ARL15: variants seen among roughly 807,000 people sequenced by gnomAD.
ARL15 encodes the protein ADP-ribosylation factor-like protein 15.
In ARL15, 19 loss-of-function variants were observed where a neutral mutation model predicts 25.2. The ratio of observed to expected loss-of-function variants is 0.75; its 90% CI spans 0.53 to 1.10. The LOEUF is 1.10. Ranked by LOEUF, ARL15 falls within the 50% of genes least tolerant of loss-of-function variation. The probability of loss-of-function intolerance (pLI) is 0.00; values close to 1 mark genes in which losing one functional copy is unlikely to be tolerated. For synonymous variants in ARL15, 94 were observed against 86.8 expected (o/e 1.08, Z -0.46); for missense variants, 220 against 246.0 (o/e 0.89, Z 0.71).
intron 4 of ARL15, among the ~76,000 whole-genome samples, chr5:54,048,772 T>C (rs566715840): frequency 2.5e-4 from 37 of 150,214 alleles, no homozygotes; most frequent in Admixed American, 2.1e-3. Context: ...CATTTGCCTA[T>C]TACCAGGTTG....
intron 4 of ARL15, among the ~76,000 whole-genome samples, chr5:53,967,271 C>T (rs1451515445): frequency 2.6e-5 from 4 of 152,156 alleles, no homozygotes; most frequent in Non-Finnish European, 5.9e-5. Flanking sequence ...GCTTAGACTT[C>T]CGTGTACACA....
At chr5:54,009,859 C>G (rs1196245250) in intron 4 of ARL15, among the ~76,000 whole-genome samples, 1 of 152,066 alleles carries the variant, frequency 6.6e-6, no homozygotes, top group Non-Finnish European at 1.5e-5. Context: ...TCCAACAGTT[C>G]CAGTTATCAG....
intron 4 of ARL15, among the ~76,000 whole-genome samples, chr5:53,970,486 A>AAG (rs3839225): frequency 1.3e-5 from 2 of 151,320 alleles, no homozygotes; most frequent in African/African-American, 4.8e-5. Flanking sequence ...ATGAGTGAGA[A>AAG]AGAGAGAGAG....
intron 4 of ARL15, among the ~76,000 whole-genome samples, chr5:54,077,439 AAAATGAACGCAGACACTGAGCCAT>A (rs1384647934): frequency 1.3e-5 from 2 of 152,194 alleles, no homozygotes; most frequent in Non-Finnish European, 2.9e-5. Context: ...TTCCCCCAGA[AAAATGAACGCAGACACTGAGCCAT>A]AAATGTAAAG....
intron 4 of ARL15, among the ~76,000 whole-genome samples, chr5:53,979,954 C>A (rs760192396): frequency 1.2e-4 from 18 of 152,060 alleles, no homozygotes; most frequent in Non-Finnish European, 2.9e-5. Flanking sequence ...ATCCACCTGA[C>A]TTGGCCTCCC....
At chr5:53,952,991 G>A (rs1208508507) in intron 4 of ARL15, among the ~76,000 whole-genome samples, 1 of 152,190 alleles carries the variant, frequency 6.6e-6, no homozygotes, top group African/African-American at 2.4e-5. Flanking sequence ...AATATAAAAT[G>A]GCTGTAGATT....
chr5:54,300,616 C>G (rs1220551967), intron 1 of ARL15, among the ~76,000 whole-genome samples: 1 of 152,184 alleles, frequency 6.6e-6, no homozygotes, highest in Non-Finnish European at 1.5e-5. Context: ...AACCAAAAAC[C>G]TAAGAATTAT....
intron 4 of ARL15, among the ~76,000 whole-genome samples, chr5:54,109,709 C>A (rs1015873185): frequency 6.6e-6 from 1 of 151,880 alleles, no homozygotes; most frequent in African/African-American, 2.4e-5. Context: ...CATTTTATAG[C>A]TTTATCATTT....
intron 1 of ARL15, among the ~76,000 whole-genome samples, chr5:54,281,719 A>G (rs942430992): frequency 2.6e-5 from 4 of 152,166 alleles, no homozygotes; most frequent in Non-Finnish European, 5.9e-5. Flanking sequence ...GCTTTTATTT[A>G]TAGTATATCA....
At chr5:54,151,180 A>G (rs1754059182) in intron 3 of ARL15, among the ~76,000 whole-genome samples, 1 of 152,202 alleles carries the variant, frequency 6.6e-6, no homozygotes, top group Admixed American at 6.5e-5. Flanking sequence ...AAGAAAATTT[A>G]GAGCTCCAAT....
chr5:54,168,818 A>G (rs1188086813), intron 2 of ARL15, among the ~76,000 whole-genome samples: 2 of 152,124 alleles, frequency 1.3e-5, no homozygotes, highest in Non-Finnish European at 2.9e-5. Flanking sequence ...CTCCTCTTTT[A>G]ACTTTCATAT....
intron 1 of ARL15, among the ~76,000 whole-genome samples, chr5:54,256,413 TAA>T (rs35505658): frequency 0.24 from 24,198 of 99,128 alleles, 2,555 homozygotes; most frequent in East Asian, 0.44. Flanking sequence ...CGAATCAGTT[TAA>T]AAAAAAAAAA....
rs1319028115 is a variant in ARL15 at position 53,939,923 on chromosome 5, A to T, written c.463-53210T>A. 2.0e-5 allele frequency among the ~76,000 whole-genome samples: 3 copies of T among 151,976 alleles called. No individual in the cohort carries two copies. The South Asian group carries it at 6.2e-4, about 32-fold the overall frequency. On this transcript the variant is annotated intron_variant, in intron 4 of 4. Coordinates refer to ENST00000504924, the MANE Select transcript of ARL15 (RefSeq NM_019087.3). ...GTGTTATCCAGAAAAAACAACAACA[A>T]CAACAACAACAACAACAAACAACTT...
intron 4 of ARL15, among the ~76,000 whole-genome samples, chr5:53,952,998 G>T (rs1378528630): frequency 2.0e-5 from 3 of 152,170 alleles, no homozygotes; most frequent in Non-Finnish European, 4.4e-5. Context: ...AATGGCTGTA[G>T]ATTAAACTTC....
intron 3 of ARL15, among the ~76,000 whole-genome samples, chr5:54,147,803 C>T (rs1281737203): frequency 6.6e-6 from 1 of 152,230 alleles, no homozygotes; most frequent in African/African-American, 2.4e-5. Context: ...GCCACAATAA[C>T]CTCTGCAAGT....
At chr5:54,055,426 T>A (rs1206650318) in intron 4 of ARL15, among the ~76,000 whole-genome samples, 1 of 147,880 alleles carries the variant, frequency 6.8e-6, no homozygotes, top group Non-Finnish European at 1.5e-5. Context: ...TGTGGCGTGA[T>A]CTTGGCTCAC....
At chr5:53,947,167 GGTGTGTGT>G (rs3222349) in intron 4 of ARL15, among the ~76,000 whole-genome samples, 1,669 of 123,666 alleles carry the variant, frequency 0.013, 26 homozygotes, top group African/African-American at 0.036. Flanking sequence ...AATAAATAAG[GGTGTGTGT>G]GTGTGTGTGT....
chr5:54,213,263 T>C (rs1166184296), intron 1 of ARL15, among the ~76,000 whole-genome samples: 2 of 152,230 alleles, frequency 1.3e-5, no homozygotes, highest in Non-Finnish European at 1.5e-5. Context: ...TATAAATGTG[T>C]CTTGTAAAAA....
At chr5:54,004,541 G>A (rs997647531) in intron 4 of ARL15, among the ~76,000 whole-genome samples, 8 of 151,854 alleles carry the variant, frequency 5.3e-5, no homozygotes, top group African/African-American at 1.9e-4. Context: ...TGAGGAAGCT[G>A]TAGAACAGTG....
Sources: gnomAD v4.1 joint callset for allele counts (sites outside exome capture counted in the v4.1 genomes callset) on GRCh38, gnomAD v4.1.1 for gene constraint, MANE v1.5 for transcripts, NCBI Gene and HGNC (gene_info 2026-07-23, HGNC 2026-07-21) for gene names.